The following NFKB1 variants were observed in gnomAD, a reference collection of about 807,000 sequenced individuals.
NFKB1 encodes the protein nuclear factor kappa B subunit 1, also known as nuclear factor NF-kappa-B p105 subunit.
NFKB1 carries 9 observed loss-of-function variants against 105.1 expected under a neutral mutation model. That is an observed-to-expected ratio of 0.09 (90% CI 0.05 to 0.15). The LOEUF is 0.15. Among genes scored for constraint, NFKB1 ranks in the 10% least tolerant of loss-of-function variants. The pLI is 1.00. For synonymous variants in NFKB1, 440 were observed against 442.2 expected (o/e 1.00, Z 0.06); for missense variants, 830 against 1,203.7 (o/e 0.69, Z 4.59).
intron 5 of NFKB1, among the ~76,000 whole-genome samples, chr4:102,550,840 TA>T (rs1358438182): frequency 6.6e-6 from 1 of 152,220 alleles, no homozygotes; most frequent in East Asian, 1.9e-4. Context: ...GCTATTTTTT[TA>T]TTTCTATTCC....
intron 1 of NFKB1, among the ~76,000 whole-genome samples, chr4:102,512,907 T>C (rs1739876841): frequency 6.6e-6 from 1 of 152,208 alleles, no homozygotes; most frequent in South Asian, 2.1e-4. Context: ...TGAGGATTAA[T>C]AGAATAAAAA....
intron 11 of NFKB1, 82 bp from the exon 12 acceptor site, chr4:102,593,343 A>G (rs1726325690): frequency 4.0e-6 from 5 of 1,260,192 alleles, no homozygotes; most frequent in East Asian, 2.3e-5. Context: ...TAAAAATACC[A>G]TTAGAATCAG....
At chr4:102,523,514 T>C (rs915010396) in intron 1 of NFKB1, among the ~76,000 whole-genome samples, 6 of 152,206 alleles carry the variant, frequency 3.9e-5, no homozygotes, top group African/African-American at 1.4e-4. Flanking sequence ...TTTGTGCTTA[T>C]TGGAGTGTTA....
chr4:102,595,259 A>G (rs1449129251), intron 13 of NFKB1, among the ~76,000 whole-genome samples: 1 of 152,202 alleles, frequency 6.6e-6, no homozygotes, highest in Non-Finnish European at 1.5e-5. Flanking sequence ...TGACTATTCA[A>G]ATATTTTAAA....
intron 6 of NFKB1, among the ~76,000 whole-genome samples, chr4:102,574,399 T>C (rs530128372): frequency 2.3e-4 from 35 of 152,304 alleles, no homozygotes; most frequent in African/African-American, 7.5e-4. Flanking sequence ...TCCACCTCTG[T>C]GGTGGTTCTT....
chr4:102,523,884 A>G (rs1284982319), intron 1 of NFKB1, among the ~76,000 whole-genome samples: 8 of 152,146 alleles, frequency 5.3e-5, no homozygotes, highest in Admixed American at 2.0e-4. Context: ...TCTAACTCCA[A>G]CGAAGTGTAG....
chr4:102,517,807 G>A (rs72696136), intron 1 of NFKB1, among the ~76,000 whole-genome samples: 1,886 of 152,302 alleles, frequency 0.012, 17 homozygotes, highest in African/African-American at 0.025. Flanking sequence ...ATGGAAATGA[G>A]CAAGTCATTC....
intron 20 of NFKB1, among the ~76,000 whole-genome samples, chr4:102,611,253 A>G (rs1728381791): frequency 6.6e-6 from 1 of 152,234 alleles, no homozygotes. Context: ...CAAGATCTCC[A>G]ACATGACAAG....
At chr4:102,603,769 C>T (rs1251084722) in intron 16 of NFKB1, among the ~76,000 whole-genome samples, 1 of 152,206 alleles carries the variant, frequency 6.6e-6, no homozygotes, top group Non-Finnish European at 1.5e-5. Flanking sequence ...TTCCCAAATA[C>T]CTTTCACTAA....
At chr4:102,509,136 C>T (rs535709072) in intron 1 of NFKB1, among the ~76,000 whole-genome samples, 1 of 152,268 alleles carries the variant, frequency 6.6e-6, no homozygotes, top group South Asian at 2.1e-4. Context: ...AAATCAAAAG[C>T]ACAGCAGTCC....
At chr4:102,586,984 C>T (rs1725761946) in intron 11 of NFKB1, among the ~76,000 whole-genome samples, 1 of 152,222 alleles carries the variant, frequency 6.6e-6, no homozygotes, top group Non-Finnish European at 1.5e-5. Context: ...GAGGTTGTGG[C>T]CTCTCCATTG....
chr4:102,507,742 T>C lies in NFKB1; in HGVS notation c.-8+5954T>C, dbSNP rs73837244. ...CCCATTTTAAAAAGCAATTTGTTTT[T>C]AATGACTTTTATTTGTTAAAAGCAG... On this transcript the variant is annotated intron_variant, in intron 1 of 23. Transcript: ENST00000226574. Among the ~76,000 whole-genome samples, 515 of 152,386 alleles carry C rather than the reference T, an allele frequency of 3.4e-3. 3 individuals are homozygous for C. The highest frequency in any genetic ancestry group is 0.012 in the African/African-American group (496 of 41,594).
chr4:102,573,881 G>A (rs1328263394), intron 6 of NFKB1, among the ~76,000 whole-genome samples: 1 of 151,128 alleles, frequency 6.6e-6, no homozygotes, highest in Non-Finnish European at 1.5e-5. Flanking sequence ...AGATTTGTTT[G>A]GGGTCTTTTT....
chr4:102,535,741 T>C (rs1407721049), intron 4 of NFKB1, among the ~76,000 whole-genome samples: 1 of 152,170 alleles, frequency 6.6e-6, no homozygotes, highest in Non-Finnish European at 1.5e-5. Flanking sequence ...TAGATACTCG[T>C]ATGTAACCAT....
At chr4:102,560,775 A>T (rs1038158714) in intron 5 of NFKB1, among the ~76,000 whole-genome samples, 2 of 152,176 alleles carry the variant, frequency 1.3e-5, no homozygotes, top group African/African-American at 4.8e-5. Context: ...AATAGGGGTA[A>T]TAGAGTCAAC....
At chr4:102,560,099 TC>T (rs1204072133) in intron 5 of NFKB1, among the ~76,000 whole-genome samples, 1 of 152,096 alleles carries the variant, frequency 6.6e-6, no homozygotes, top group Non-Finnish European at 1.5e-5. Flanking sequence ...AATTACAAAC[TC>T]TCTGCTCCTC....
Position 102,607,163 on chromosome 4 carries a change from T to C in NFKB1, c.1968T>C (p.Ile656=), listed in dbSNP as rs1268492756. The part of the protein sequence containing the change: ...DHPNGDGLNA[I]HLAMMSNSLP... Reference sequence around the variant, plus strand: ...CTTGGACTCTAGGTCTGAATGCCATTCATCTAGCCATGATGAGCAATAGCC... The same window carrying C: ...CTTGGACTCTAGGTCTGAATGCCATCCATCTAGCCATGATGAGCAATAGCC... The change falls in exon 18 of 24, where the codon ATT becomes ATC. Residue 656 remains isoleucine, a synonymous_variant. Coordinates refer to ENST00000226574, the MANE Select transcript of NFKB1 (RefSeq NM_003998.4). 1 of 1,614,152 alleles carries C rather than the reference T, an allele frequency of 6.2e-7. No homozygotes were observed. The highest frequency in any genetic ancestry group is 1.3e-5 in the African/African-American group (1 of 75,026).
chr4:102,518,589 A>T (rs1740356835), intron 1 of NFKB1, among the ~76,000 whole-genome samples: 1 of 151,850 alleles, frequency 6.6e-6, no homozygotes, highest in Admixed American at 6.6e-5. Context: ...TTGTTGCATT[A>T]AAAAAAAGGA....
At chr4:102,571,284 A>G (rs1724332307) in intron 6 of NFKB1, among the ~76,000 whole-genome samples, 1 of 152,264 alleles carries the variant, frequency 6.6e-6, no homozygotes, top group Non-Finnish European at 1.5e-5. Context: ...AGCCATATGT[A>G]GAAAGCTGAA....
Sources: gnomAD v4.1 joint callset for allele counts (sites outside exome capture counted in the v4.1 genomes callset) on GRCh38, gnomAD v4.1.1 for gene constraint, MANE v1.5 for transcripts, NCBI Gene and HGNC (gene_info 2026-07-23, HGNC 2026-07-21) for gene names.